The following ZNF573 variants were observed in gnomAD, a reference collection of about 807,000 sequenced individuals.
ZNF573 encodes the protein zinc finger protein 573.
In ZNF573, 41 loss-of-function variants were observed where a neutral mutation model predicts 57.4. The observed-to-expected ratio is 0.71, with a 90% confidence interval of 0.56 to 0.93. The LOEUF (loss-of-function observed/expected upper bound fraction) is 0.93. Ranked by LOEUF, ZNF573 falls within the 40% of genes least tolerant of loss-of-function variation. The probability of loss-of-function intolerance (pLI) is 0.00; values close to 1 mark genes in which losing one functional copy is unlikely to be tolerated. For synonymous variants in ZNF573, 249 were observed against 261.0 expected (o/e 0.95, Z 0.44); for missense variants, 730 against 794.8 (o/e 0.92, Z 0.98).
chr19:37,740,336 G>A (rs761673700), intron 4 of ZNF573, 142 bp from the exon 5 acceptor site: 4 of 715,516 alleles, frequency 5.6e-6, no homozygotes, highest in Non-Finnish European at 9.0e-6. Flanking sequence ...TTTGAAAAAG[G>A]CCAAAAAGAG....
intron 4 of ZNF573, among the ~76,000 whole-genome samples, chr19:37,747,486 G>A (rs532024276): frequency 6.6e-6 from 1 of 152,288 alleles, no homozygotes; most frequent in East Asian, 1.9e-4. Flanking sequence ...TCTATGGAAT[G>A]TAAAGCTTAA....
intron 1 of ZNF573, among the ~76,000 whole-genome samples, chr19:37,775,678 A>C (rs1166966822): frequency 6.6e-6 from 1 of 152,136 alleles, no homozygotes; most frequent in Non-Finnish European, 1.5e-5. Flanking sequence ...TCATATACCT[A>C]GAAAACCCTA....
intron 4 of ZNF573, among the ~76,000 whole-genome samples, chr19:37,758,160 T>C (rs2045508729): frequency 7.7e-6 from 1 of 130,440 alleles, no homozygotes; most frequent in African/African-American, 2.9e-5. Flanking sequence ...GTAACAAACC[T>C]CCATGTTGTG....
chr19:37,761,479 G>C (rs1477606128), intron 4 of ZNF573, among the ~76,000 whole-genome samples: 1 of 152,030 alleles, frequency 6.6e-6, no homozygotes, highest in Non-Finnish European at 1.5e-5. Flanking sequence ...ATGGAAACCA[G>C]AACCCCTTGT....
intron 4 of ZNF573, chr19:37,759,278 G>A: frequency 2.8e-6 from 1 of 354,810 alleles, no homozygotes; most frequent in South Asian, 1.2e-4. Flanking sequence ...AGCAATATCA[G>A]AGAACAATTT....
intron 4 of ZNF573, among the ~76,000 whole-genome samples, chr19:37,765,742 A>G (rs948931264): frequency 1.3e-5 from 2 of 151,724 alleles, no homozygotes; most frequent in Admixed American, 6.6e-5. Context: ...CTAGTTACCT[A>G]TGAAGGATCC....
intron 4 of ZNF573, among the ~76,000 whole-genome samples, chr19:37,750,224 A>C (rs1428341653): frequency 1.3e-5 from 2 of 152,064 alleles, no homozygotes; most frequent in African/African-American, 4.8e-5. Context: ...CTGAGGCTAC[A>C]GGCCTGCGCC....
chr19:37,768,000 A>G (rs2045617660), intron 4 of ZNF573, among the ~76,000 whole-genome samples: 1 of 151,736 alleles, frequency 6.6e-6, no homozygotes, highest in African/African-American at 2.4e-5. Flanking sequence ...TCAACTAGAA[A>G]CTCTCTCCTT....
chr19:37,738,388 ACT>A lies in ZNF573; in HGVS notation c.*102_*103del. ...TAATGTGGCAAGATCTGCATTTTGA[ACT>A]CTCTCAATTGCTAAAGCCATACCTA... On this transcript the variant is annotated 3_prime_UTR_variant, in exon 5 of 5. Transcript: ENST00000536220. 5 of 1,259,482 alleles carry A rather than the reference ACT, an allele frequency of 4.0e-6. 1 individual carries two copies. The Middle Eastern group carries it at 6.5e-4, about 164-fold the overall frequency. 78.0% of individuals were successfully genotyped at this position (1,259,482 alleles called of 1,614,324 possible). A position where few individuals can be genotyped will look rare whatever the true frequency, so the allele number is the denominator to read the frequency against.
intron 4 of ZNF573, among the ~76,000 whole-genome samples, chr19:37,756,237 G>A (rs749743375): frequency 5.3e-5 from 8 of 152,154 alleles, no homozygotes; most frequent in Non-Finnish European, 1.0e-4. Flanking sequence ...AGGAGATTTC[G>A]TGGGCCTGAT....
At chr19:37,745,307 C>T (rs954130493) in intron 4 of ZNF573, among the ~76,000 whole-genome samples, 1 of 151,778 alleles carries the variant, frequency 6.6e-6, no homozygotes, top group Non-Finnish European at 1.5e-5. Flanking sequence ...GAACTCCTGG[C>T]GCCAAGTGAT....
At chr19:37,778,406 T>G (rs1282098806) in intron 1 of ZNF573, 7 of 144,678 alleles carry the variant, frequency 4.8e-5, no homozygotes, top group Non-Finnish European at 1.1e-4. Flanking sequence ...TTCGTCATGT[T>G]GGCCAGGCTG....
chr19:37,747,138 A>G (rs2045391322), intron 4 of ZNF573, among the ~76,000 whole-genome samples: 1 of 143,086 alleles, frequency 7.0e-6, no homozygotes, highest in African/African-American at 2.6e-5. Flanking sequence ...CTTGAAGTAT[A>G]AAACAAATAT....
At chr19:37,743,039 T>G (rs2045341293) in intron 4 of ZNF573, among the ~76,000 whole-genome samples, 2 of 152,020 alleles carry the variant, frequency 1.3e-5, no homozygotes, top group African/African-American at 4.8e-5. Flanking sequence ...AAGAAGACAT[T>G]TGGCTGCGGT....
intron 4 of ZNF573, among the ~76,000 whole-genome samples, chr19:37,767,074 A>C (rs1482021413): frequency 1.3e-5 from 2 of 152,202 alleles, no homozygotes; most frequent in African/African-American, 4.8e-5. Flanking sequence ...GTTATGTTAA[A>C]GATTTATAGG....
intron 3 of ZNF573, 36 bp downstream of exon 3, chr19:37,771,528 A>C (rs747067735): frequency 3.1e-6 from 5 of 1,598,016 alleles, no homozygotes; most frequent in Non-Finnish European, 4.3e-6. Flanking sequence ...CATATCACAG[A>C]TCACATTTTA....
At chr19:37,763,797 C>T (rs2045574593) in intron 4 of ZNF573, among the ~76,000 whole-genome samples, 1 of 152,070 alleles carries the variant, frequency 6.6e-6, no homozygotes, top group Non-Finnish European at 1.5e-5. Flanking sequence ...GGCATGGTGG[C>T]TCATGCCTGT....
intron 4 of ZNF573, among the ~76,000 whole-genome samples, chr19:37,745,680 G>A (rs1725171227): frequency 6.6e-6 from 1 of 152,224 alleles, no homozygotes; most frequent in South Asian, 2.1e-4. Context: ...ACAGGCGTGA[G>A]CCACCACACT....
chr19:37,767,695 C>T (rs2045615353), intron 4 of ZNF573, among the ~76,000 whole-genome samples: 2 of 152,156 alleles, frequency 1.3e-5, no homozygotes, highest in Admixed American at 1.3e-4. Flanking sequence ...ACATAAGCCT[C>T]TTGACCCCTC....
Sources: gnomAD v4.1 joint callset for allele counts (sites outside exome capture counted in the v4.1 genomes callset) on GRCh38, gnomAD v4.1.1 for gene constraint, MANE v1.5 for transcripts, NCBI Gene and HGNC (gene_info 2026-07-23, HGNC 2026-07-21) for gene names.